The following DNAH14 variants were observed in gnomAD, a reference collection of about 807,000 sequenced individuals.
DNAH14 encodes the protein axonemal beta dynein heavy chain 14.
Under a neutral mutation model 520.9 loss-of-function variants are expected in DNAH14, and 478 were observed. That is an observed-to-expected ratio of 0.92 (90% CI 0.85 to 0.99). DNAH14 has a LOEUF of 0.99. Ranked by LOEUF, DNAH14 falls within the 50% of genes least tolerant of loss-of-function variation. The pLI, the probability that DNAH14 is intolerant of heterozygous loss-of-function variation, is 0.00. For missense variants in DNAH14, 4,831 were observed against 5,234.5 expected (o/e 0.92, Z 2.38); for synonymous variants, 1,581 against 1,757.2 (o/e 0.90, Z 2.51).
At chr1:225,379,599 C>T (rs2095753941) in intron 79 of DNAH14, among the ~76,000 whole-genome samples, 1 of 151,942 alleles carries the variant, frequency 6.6e-6, no homozygotes, top group Admixed American at 6.6e-5. Context: ...ATAATCTTGG[C>T]TCACTGCAAC....
rs2075046886 is a variant in DNAH14 at position 225,097,090 on chromosome 1, G to A, written c.3574-28G>A. On this transcript the variant is annotated intron_variant, in intron 21 of 85. Coordinates refer to ENST00000682510, the MANE Select transcript of DNAH14 (RefSeq NM_001367479.1). ...AGAATAATTTTATATATTTAGATTTGTATGTGTATATGTTTTTATCATTGT... is the reference window on the plus strand; with the variant it reads ...AGAATAATTTTATATATTTAGATTTATATGTGTATATGTTTTTATCATTGT... 11 of 1,498,368 alleles carry A rather than the reference G, an allele frequency of 7.3e-6. No homozygotes were observed. In the East Asian group the frequency reaches 2.7e-4, roughly 37 times the overall value. The allele number at this position is 1,498,368 out of a possible 1,614,324, so 92.8% of individuals were successfully genotyped here.
intron 10 of DNAH14, among the ~76,000 whole-genome samples, chr1:225,023,003 A>G (rs2449273): frequency 0.85 from 129,212 of 152,152 alleles, 56,327 homozygotes; most frequent in Non-Finnish European, 0.96. Flanking sequence ...GAAACCAAAT[A>G]CCACATATCT....
At chr1:225,319,548 A>G (rs1463779518) in intron 61 of DNAH14, among the ~76,000 whole-genome samples, 1 of 152,230 alleles carries the variant, frequency 6.6e-6, no homozygotes, top group African/African-American at 2.4e-5. Context: ...TTTATGATGA[A>G]GAGATCATAT....
At chr1:225,106,324 T>A (rs1375476382) in intron 23 of DNAH14, among the ~76,000 whole-genome samples, 1 of 151,978 alleles carries the variant, frequency 6.6e-6, no homozygotes, top group Non-Finnish European at 1.5e-5. Flanking sequence ...ATTTTTTCCT[T>A]CATTTCAACT....
intron 58 of DNAH14, among the ~76,000 whole-genome samples, chr1:225,306,498 T>C (rs2094244831): frequency 6.6e-6 from 1 of 152,116 alleles, no homozygotes; most frequent in African/African-American, 2.4e-5. Flanking sequence ...CAGGCAAGCG[T>C]CAAGAGAGTT....
chr1:225,209,996 C>T (rs10915801), intron 41 of DNAH14, among the ~76,000 whole-genome samples: 2,571 of 152,202 alleles, frequency 0.017, 64 homozygotes, highest in East Asian at 0.053. Context: ...CCATGGTCTT[C>T]GCAACCTGCA....
At chr1:224,982,982 A>G (rs1334051692) in intron 8 of DNAH14, among the ~76,000 whole-genome samples, 1 of 152,222 alleles carries the variant, frequency 6.6e-6, no homozygotes, top group East Asian at 1.9e-4. Context: ...GTTCCGAGGT[A>G]CAGTTTAAAT....
At chr1:224,954,779 G>A (rs1226710049) in intron 2 of DNAH14, among the ~76,000 whole-genome samples, 180 bp from the exon 3 acceptor site, 2 of 152,044 alleles carry the variant, frequency 1.3e-5, no homozygotes, top group African/African-American at 4.8e-5. Context: ...ATATTATATT[G>A]TATTGTTCAG....
chr1:225,042,668 G>A (rs2067589950), intron 12 of DNAH14, among the ~76,000 whole-genome samples, 167 bp from the exon 13 acceptor site: 1 of 152,184 alleles, frequency 6.6e-6, no homozygotes, highest in Admixed American at 6.5e-5. Context: ...TGTTTCACAT[G>A]CAATTTACTT....
chr1:225,128,617 C>T lies in DNAH14; in HGVS notation c.4254+5003C>T, dbSNP rs575860002. On this transcript the variant is annotated intron_variant, in intron 27 of 85. Transcript: ENST00000682510. ...AAAGGCCTTTGACAAAATTCAACAA[C>T]ACTTCATGCTAAAAACTCTCAATAA... Among the ~76,000 whole-genome samples, 398 of 151,352 alleles carry T rather than the reference C, an allele frequency of 2.6e-3. 4 individuals are homozygous for T. Among genetic ancestry groups the T allele is most frequent in the African/African-American group, 9.4e-3 (385 of 40,846 alleles).
chr1:225,089,490 G>GA (rs1259909632), intron 21 of DNAH14, among the ~76,000 whole-genome samples: 1 of 108,446 alleles, frequency 9.2e-6, no homozygotes, highest in Non-Finnish European at 1.9e-5. Context: ...GAAAAGAAAA[G>GA]AAAAAAGAAA....
intron 41 of DNAH14, among the ~76,000 whole-genome samples, chr1:225,223,638 G>C (rs1003151105): frequency 2.0e-5 from 3 of 152,088 alleles, no homozygotes; most frequent in African/African-American, 7.2e-5. Flanking sequence ...CCCCCATGGC[G>C]ATTCCTGAAG....
At chr1:225,121,125 A>C (rs904164705) in intron 26 of DNAH14, among the ~76,000 whole-genome samples, 1 of 152,158 alleles carries the variant, frequency 6.6e-6, no homozygotes, top group African/African-American at 2.4e-5. Context: ...ATTTATTTTT[A>C]ATTTTTAATT....
chr1:225,359,526 A>T (rs2095469994), intron 74 of DNAH14, among the ~76,000 whole-genome samples: 3 of 152,146 alleles, frequency 2.0e-5, no homozygotes, highest in Admixed American at 2.0e-4. Flanking sequence ...TTCTTCATTT[A>T]TCTTCTGTTC....
intron 17 of DNAH14, among the ~76,000 whole-genome samples, chr1:225,078,811 TCTCTCTCTCTCTCC>T (rs2072654249): frequency 9.8e-5 from 4 of 40,886 alleles, no homozygotes; most frequent in African/African-American, 2.4e-4. Flanking sequence ...TCTCTCTCTC[TCTCTCTCTCTCTCC>T]CTCTCTCTCT....
In DNAH14 at chr1:225,140,990, A is replaced by G. The variant is rs948635866; in HGVS notation, c.4477A>G (p.Ile1493Val). The G allele has an allele frequency of 2.6e-6, 4 of 1,550,490 alleles. No individual in the cohort carries two copies. In the African/African-American group the frequency reaches 4.1e-5, roughly 16 times the overall value. The change falls in exon 28 of 86, where the codon ATC becomes GTC. Residue 1493 changes from isoleucine (I) to valine (V), a missense_variant. By Grantham distance (29) the Ile-to-Val change is conservative. Transcript: ENST00000682510. Reference protein sequence around the residue: ...DIVINLLLKNIFNAEDFEWTR... With the variant: ...DIVINLLLKNVFNAEDFEWTR... ...AGTGATAAATTTACTACTTAAAAAT[A>G]TCTTCAATGCAGAGGATTTTGAGTG...
chr1:225,285,677 T>C (rs1417077622), intron 54 of DNAH14, among the ~76,000 whole-genome samples: 1 of 152,098 alleles, frequency 6.6e-6, no homozygotes, highest in Non-Finnish European at 1.5e-5. Flanking sequence ...GGCCACATAA[T>C]GAGACCCCCT....
intron 41 of DNAH14, among the ~76,000 whole-genome samples, chr1:225,213,228 GTAT>G (rs2088726503): frequency 6.6e-6 from 1 of 152,060 alleles, no homozygotes; most frequent in Admixed American, 6.5e-5. Context: ...TAGATGTGTG[GTAT>G]TATTTCTGGG....
At chr1:225,117,826 G>A in intron 24 of DNAH14, 38 bp downstream of exon 24, 3 of 1,516,640 alleles carry the variant, frequency 2.0e-6, no homozygotes, top group Non-Finnish European at 2.7e-6. Context: ...TATTATATTA[G>A]CGATATTCAG....
Sources: gnomAD v4.1 joint callset for allele counts (sites outside exome capture counted in the v4.1 genomes callset) on GRCh38, gnomAD v4.1.1 for gene constraint, MANE v1.5 for transcripts, NCBI Gene and HGNC (gene_info 2026-07-23, HGNC 2026-07-21) for gene names.